The following CFAP20DC variants were observed in gnomAD, a reference collection of about 807,000 sequenced individuals.
CFAP20DC encodes the protein CFAP20 domain containing.
CFAP20DC carries 84 observed loss-of-function variants against 101.7 expected under a neutral mutation model. The observed-to-expected ratio is 0.83, with a 90% CI of 0.69 to 0.99. The LOEUF is 0.99. Ranked by LOEUF, CFAP20DC falls within the 50% of genes least tolerant of loss-of-function variation. The pLI, the probability that CFAP20DC is intolerant of heterozygous loss-of-function variation, is 0.00. For synonymous variants in CFAP20DC, 359 were observed against 351.2 expected, an observed-to-expected ratio of 1.02 and a Z score of -0.25; for missense variants, 1,007 against 970.3, an observed-to-expected ratio of 1.04 and a Z score of -0.50.
At chr3:58,901,093 T>G (rs988562720) in intron 6 of CFAP20DC, among the ~76,000 whole-genome samples, 21 of 152,170 alleles carry the variant, frequency 1.4e-4, no homozygotes, top group Non-Finnish European at 2.8e-4. Context: ...TACGTTCATC[T>G]TATTTATTTG....
At chr3:58,884,429 T>C (rs1372655648) in intron 7 of CFAP20DC, 116 bp downstream of exon 7, 1 of 923,808 alleles carries the variant, frequency 1.1e-6, no homozygotes. Flanking sequence ...AAGTATACTC[T>C]GTTAAGTGCG....
rs977508677 is a variant in CFAP20DC at position 58,795,386 on chromosome 3, C to G, written c.2237+11009G>C. ...GGTGCCGTGGCTCACGCCTGTAACC[C>G]AGCCCTTTGGGAGGCCAAGGTGGAG... On this transcript the variant is annotated intron_variant, in intron 15 of 16. Coordinates refer to ENST00000482387, the MANE Select transcript of CFAP20DC (RefSeq NM_001394063.1). The surrounding 1 kb of genome is among the most constrained non-coding windows in gnomAD (Gnocchi z 4.2). 6.6e-6 allele frequency among the ~76,000 whole-genome samples: 1 copy of G among 152,192 alleles called. No homozygotes were observed. Among genetic ancestry groups the G allele is most frequent in the African/African-American group, 2.4e-5 (1 of 41,440 alleles).
chr3:58,860,017 A>G (rs2079116177), intron 12 of CFAP20DC, among the ~76,000 whole-genome samples: 1 of 151,966 alleles, frequency 6.6e-6, no homozygotes, highest in South Asian at 2.1e-4. Context: ...TCTCTACTAA[A>G]AATACAAAAA....
At chr3:58,922,322 G>A (rs575294033) in intron 5 of CFAP20DC, among the ~76,000 whole-genome samples, 54 of 152,130 alleles carry the variant, frequency 3.5e-4, no homozygotes, top group African/African-American at 9.6e-4. Flanking sequence ...TTAGCATTCC[G>A]TTAACCTCCT....
intron 14 of CFAP20DC, among the ~76,000 whole-genome samples, chr3:58,817,812 A>T (rs1349896023): frequency 1.3e-5 from 2 of 152,142 alleles, no homozygotes; most frequent in African/African-American, 4.8e-5. Context: ...ACTCCTCAAG[A>T]AGAGCAACTT....
At chr3:58,997,002 G>A (rs2093157306) in intron 4 of CFAP20DC, among the ~76,000 whole-genome samples, 1 of 152,184 alleles carries the variant, frequency 6.6e-6, no homozygotes, top group African/African-American at 2.4e-5. Context: ...AGCACTCCAG[G>A]AGGGACTCTG....
At chr3:58,838,678 A>G (rs1192484564) in intron 13 of CFAP20DC, among the ~76,000 whole-genome samples, 1 of 152,226 alleles carries the variant, frequency 6.6e-6, no homozygotes, top group African/African-American at 2.4e-5. Flanking sequence ...ATACTTCCAT[A>G]CATTTTGCTG....
At chr3:59,046,157 C>T (rs1362916258) in intron 3 of CFAP20DC, 72 bp downstream of exon 3, 3 of 1,012,748 alleles carry the variant, frequency 3.0e-6, no homozygotes, top group Non-Finnish European at 4.4e-6. Context: ...TACTAATGTG[C>T]CTGTTTATGA....
chr3:58,948,237 A>T (rs1381383884), intron 4 of CFAP20DC, among the ~76,000 whole-genome samples: 2 of 152,152 alleles, frequency 1.3e-5, no homozygotes, highest in Non-Finnish European at 2.9e-5. Flanking sequence ...TTCTATTTTC[A>T]TGCCTTTGCT....
intron 4 of CFAP20DC, among the ~76,000 whole-genome samples, chr3:59,010,348 G>A (rs1483749568): frequency 1.3e-5 from 2 of 152,022 alleles, no homozygotes; most frequent in Non-Finnish European, 2.9e-5. Context: ...TAAACTTTGG[G>A]TAAAGGTGTG....
At chr3:58,846,226 C>T (rs1443882324) in intron 13 of CFAP20DC, among the ~76,000 whole-genome samples, 1 of 151,496 alleles carries the variant, frequency 6.6e-6, no homozygotes, top group African/African-American at 2.4e-5. Flanking sequence ...GTCAAATTGT[C>T]CCTGTTTGCA....
chr3:58,941,833 G>T (rs1394665333), intron 4 of CFAP20DC, among the ~76,000 whole-genome samples: 1 of 152,158 alleles, frequency 6.6e-6, no homozygotes, highest in African/African-American at 2.4e-5. Flanking sequence ...TGGGATTACA[G>T]ACGTGAGCCA....
rs755234359 is a variant in CFAP20DC at position 58,867,930 on chromosome 3, T to C, written c.1022A>G (p.Asn341Ser). ...IKQTVPIHAANLHIMHPHPPQ... is the reference protein window; with the variant it reads ...IKQTVPIHAASLHIMHPHPPQ... ...GGGATGCGGATGCATAATATGTAGA[T>C]TGGCTGCTACATTTTCATATCAAAG... Residue 341 changes from asparagine (N) to serine (S), a missense_variant, in exon 10 of 17, where the codon AAT (asparagine) becomes AGT (serine). Coordinates refer to ENST00000482387, the MANE Select transcript of CFAP20DC (RefSeq NM_001394063.1). 9 of 1,607,594 alleles carry C rather than the reference T, an allele frequency of 5.6e-6. No individual in the cohort carries two copies. Among genetic ancestry groups the C allele is most frequent in the Middle Eastern group, 1.7e-4 (1 of 6,046 alleles).
intron 4 of CFAP20DC, among the ~76,000 whole-genome samples, chr3:59,024,961 T>G (rs574155328): frequency 3.9e-5 from 6 of 152,196 alleles, no homozygotes; most frequent in Non-Finnish European, 8.8e-5. Context: ...TGTGATTTGC[T>G]GTGAATTGTC....
At position 59,006,846 on chromosome 3, in the gene CFAP20DC, T is replaced by C. The variant is rs1285111008; in HGVS notation, c.278+32711A>G. ...CTGGGTGGGGAGCAAATGGGAACTG[T>C]TACAGATGCAAACACAGGAGCTGCT... On this transcript the variant is annotated intron_variant, in intron 4 of 16. Coordinates refer to ENST00000482387, the MANE Select transcript of CFAP20DC (RefSeq NM_001394063.1). The surrounding 1 kb of genome is among the most constrained non-coding windows in gnomAD (Gnocchi z 4.3). Among the ~76,000 whole-genome samples the C allele has an allele frequency of 6.6e-6, 1 of 152,154 alleles. No individual in the cohort carries two copies.
chr3:59,021,805 AAGAGAGAGAC>A (rs1267883416), intron 4 of CFAP20DC, among the ~76,000 whole-genome samples: 1 of 152,034 alleles, frequency 6.6e-6, no homozygotes, highest in Non-Finnish European at 1.5e-5. Context: ...AGCTGCGGGG[AAGAGAGAGAC>A]AGAGAGAGAG....
chr3:58,999,843 T>TAAAAAAAAAAAA (rs565894929), intron 4 of CFAP20DC, among the ~76,000 whole-genome samples: 1 of 76,794 alleles, frequency 1.3e-5, no homozygotes, highest in Non-Finnish European at 2.8e-5. Context: ...GTCACTAATG[T>TAAAAAAAAAAAA]AAAAAAAAAA....
intron 4 of CFAP20DC, among the ~76,000 whole-genome samples, chr3:59,034,988 C>T (rs1417374303): frequency 1.3e-5 from 2 of 151,964 alleles, no homozygotes; most frequent in Non-Finnish European, 2.9e-5. Context: ...AATCATAACA[C>T]AGTCTCTCAG....
At chr3:58,976,400 G>C (rs1559928505) in intron 4 of CFAP20DC, among the ~76,000 whole-genome samples, 1 of 152,182 alleles carries the variant, frequency 6.6e-6, no homozygotes, top group Non-Finnish European at 1.5e-5. Context: ...TGACATGATG[G>C]TTCTTGCTGA....
Sources: gnomAD v4.1 joint callset for allele counts (sites outside exome capture counted in the v4.1 genomes callset) on GRCh38, gnomAD v4.1.1 for gene constraint, Gnocchi (gnomAD v3.1) non-coding constraint, MANE v1.5 for transcripts, NCBI Gene and HGNC (gene_info 2026-07-23, HGNC 2026-07-21) for gene names.